Variants in ZNF451 observed in about 807,000 individuals in gnomAD.
The protein encoded by ZNF451 is E3 SUMO-protein ligase ZNF451.
ZNF451 carries 80 observed loss-of-function variants against 107.1 expected under a neutral mutation model. The observed-to-expected ratio is 0.75, with a 90% CI of 0.62 to 0.90. The LOEUF (loss-of-function observed/expected upper bound fraction) is 0.90, where lower values mean the gene tolerates loss of function less well. Among genes scored for constraint, ZNF451 ranks in the 40% least tolerant of loss-of-function variants. The pLI is 0.00. For synonymous variants in ZNF451, 362 were observed against 406.5 expected (o/e 0.89, Z 1.32); for missense variants, 1,107 against 1,236.2 (o/e 0.90, Z 1.57).
chr6:57,105,177 C>G, intron 3 of ZNF451: 1 of 985,342 alleles, frequency 1.0e-6, no homozygotes, highest in Non-Finnish European at 1.2e-6. Flanking sequence ...ACTAGGCCAA[C>G]CTCTAACGTT....
At chr6:57,149,782 A>G (rs891278222) in intron 10 of ZNF451, among the ~76,000 whole-genome samples, 55 of 152,286 alleles carry the variant, frequency 3.6e-4, no homozygotes, top group African/African-American at 9.4e-4. Flanking sequence ...ACAGTGAAAC[A>G]CTGGTTACAC....
Position 57,148,135 on chromosome 6 carries a change from A to T in ZNF451, c.2050A>T (p.Ser684Cys). ...LIFNVEEAFL[S>C]HYEEHHSIDY... The stretch of plus-strand genomic sequence containing the variant: ...CTTTAATGTGGAAGAAGCATTTCTG[A>T]GTCATTATGAGGAGCACCACAGCAT... Residue 684 changes from serine to cysteine, a missense_variant, in exon 10 of 15, where the codon AGT becomes TGT. Physicochemically the swap from Ser to Cys is moderately radical, Grantham distance 112. This residue lies in a region of ZNF451 where 608 missense variants were observed against 649.2 expected (regional missense o/e 0.94). Coordinates refer to ENST00000370706, the MANE Select transcript of ZNF451 (RefSeq NM_001031623.3). The T allele has an allele frequency of 1.2e-6, 2 of 1,614,054 alleles. No homozygotes were observed. Among genetic ancestry groups the T allele is most frequent in the South Asian group, 2.2e-5 (2 of 91,072 alleles).
intron 3 of ZNF451, chr6:57,105,531 T>C (rs1222105958): frequency 1.0e-6 from 1 of 985,328 alleles, no homozygotes; most frequent in Non-Finnish European, 1.2e-6. Context: ...TACTCCCTTC[T>C]GAATGTTAAT....
chr6:57,163,436 C>CTTTTTTTTTTTGTTTTTTTTTTTTT (rs1763757544), intron 14 of ZNF451, among the ~76,000 whole-genome samples: 1 of 30,332 alleles, frequency 3.3e-5, no homozygotes, highest in African/African-American at 1.2e-4. Flanking sequence ...AATGAATAAA[C>CTTTTTTTTTTTGTTTTTTTTTTTTT]TTTTTTTTTT....
chr6:57,119,050 T>G (rs920359925), intron 3 of ZNF451, among the ~76,000 whole-genome samples: 1 of 152,128 alleles, frequency 6.6e-6, no homozygotes, highest in Non-Finnish European at 1.5e-5. Context: ...AAATACCAAT[T>G]TGGCCTTTTT....
intron 10 of ZNF451, among the ~76,000 whole-genome samples, chr6:57,149,421 A>AG (rs754729348): frequency 5.9e-5 from 9 of 151,872 alleles, no homozygotes; most frequent in Non-Finnish European, 8.8e-5. Context: ...TATTTGTAAA[A>AG]TTTTTTTGAG....
Position 57,102,832 on chromosome 6 carries a change from A to G in ZNF451, c.186+3691A>G. 3.0e-6 allele frequency: 3 copies of G among 985,430 alleles called. No individual in the cohort carries two copies. In the South Asian group the frequency reaches 1.4e-4, roughly 46 times the overall value. 61.0% of individuals were successfully genotyped at this position (985,430 alleles called of 1,614,324 possible). Reference sequence around the variant, plus strand: ...TAGAAATTGCACAGTAACTATCTTCATCAAGACTTTGATGGCCACCATACC... The same window carrying G: ...TAGAAATTGCACAGTAACTATCTTCGTCAAGACTTTGATGGCCACCATACC... On this transcript the variant is annotated intron_variant, in intron 3 of 14. Coordinates refer to ENST00000370706, the MANE Select transcript of ZNF451 (RefSeq NM_001031623.3).
intron 3 of ZNF451, chr6:57,100,692 C>T: frequency 2.6e-6 from 4 of 1,550,486 alleles, no homozygotes; most frequent in Non-Finnish European, 3.5e-6. Context: ...TTGGAGATAG[C>T]AGCTCCTTCT....
At position 57,150,903 on chromosome 6, in the gene ZNF451, C is replaced by A. The variant is rs199756364; in HGVS notation, c.2752+41C>A. 5.6e-5 allele frequency: 90 copies of A among 1,610,578 alleles called. No homozygotes were observed. In the African/African-American group the frequency reaches 9.6e-4, roughly 17 times the overall value. ...AAAACAAAAGAAAACTTTTTCCCAC[C>A]TCTTAGAATATAGTTCAGTTTAAAA... On this transcript the variant is annotated intron_variant, in intron 11 of 14. Transcript: ENST00000370706.
chr6:57,134,393 G>A lies in ZNF451; in HGVS notation c.576-351G>A, dbSNP rs148457709. Among the ~76,000 whole-genome samples, 365 of 152,334 alleles carry A rather than the reference G, an allele frequency of 2.4e-3. 1 individual carries two copies. The highest frequency in any genetic ancestry group is 8.4e-3 in the African/African-American group (351 of 41,582). ...TTATTATTGCAGTGATGTATTTAAA[G>A]TTAGTTGTGAGTCTTATGGTAACCA... On this transcript the variant is annotated intron_variant, in intron 6 of 14. Transcript: ENST00000370706.
chr6:57,149,402 ATCT>A (rs1832241462), intron 10 of ZNF451, among the ~76,000 whole-genome samples: 1 of 152,068 alleles, frequency 6.6e-6, no homozygotes, highest in South Asian at 2.1e-4. Context: ...TTTTAAGTGT[ATCT>A]TCTTTTATTT....
chr6:57,166,771 C>T (rs189675456), intron 14 of ZNF451, among the ~76,000 whole-genome samples: 1 of 152,256 alleles, frequency 6.6e-6, no homozygotes, highest in East Asian at 1.9e-4. Context: ...TATTTGTTTA[C>T]AGCAGCATCA....
intron 7 of ZNF451, among the ~76,000 whole-genome samples, chr6:57,139,110 C>T (rs1831624586): frequency 6.6e-6 from 1 of 151,962 alleles, no homozygotes; most frequent in African/African-American, 2.4e-5. Context: ...CTTTATTGCT[C>T]TTATCATTTA....
intron 3 of ZNF451, chr6:57,106,504 C>T (rs1300693585): frequency 1.5e-6 from 1 of 656,738 alleles, no homozygotes; most frequent in African/African-American, 2.0e-5. Flanking sequence ...CGGGGTCTCT[C>T]CATGTTGGTC....
At chr6:57,138,741 A>ATATATATATATGTG (rs1365084616) in intron 7 of ZNF451, among the ~76,000 whole-genome samples, 1 of 46,588 alleles carries the variant, frequency 2.1e-5, no homozygotes, top group Non-Finnish European at 3.6e-5. Context: ...ATATATATAT[A>ATATATATATATGTG]TGTGTGTGTG....
rs887677219 is a variant in ZNF451 at position 57,169,016 on chromosome 6, T to A, written c.*547T>A. The A allele has an allele frequency of 6.6e-6, 1 of 152,274 alleles. No individual in the cohort carries two copies. The highest frequency in any genetic ancestry group is 1.5e-5 in the Non-Finnish European group (1 of 68,074). The allele number at this position is 152,274 out of a possible 1,614,324, so 9.4% of individuals were successfully genotyped here. On this transcript the variant is annotated 3_prime_UTR_variant, in exon 15 of 15. Coordinates refer to ENST00000370706, the MANE Select transcript of ZNF451 (RefSeq NM_001031623.3). ...GAAACATTTAAAATTTTATCAGCAA[T>A]GTTCTTTGTGGGTGCCATGCATATG...
At chr6:57,141,587 C>A in intron 8 of ZNF451, 132 bp downstream of exon 8, 4 of 856,268 alleles carry the variant, frequency 4.7e-6, no homozygotes, top group African/African-American at 1.7e-5. Context: ...AAGATTATCT[C>A]AATTCCTACT....
chr6:57,125,073 TTAAC>T (rs1830867928), intron 4 of ZNF451, among the ~76,000 whole-genome samples: 1 of 152,096 alleles, frequency 6.6e-6, no homozygotes, highest in South Asian at 2.1e-4. Context: ...AAAAATAAAA[TTAAC>T]TGAGTGGACT....
intron 10 of ZNF451, among the ~76,000 whole-genome samples, chr6:57,148,970 A>G (rs1425627929): frequency 1.3e-5 from 2 of 152,190 alleles, no homozygotes; most frequent in Non-Finnish European, 2.9e-5. Flanking sequence ...AAGGAAGTTG[A>G]TAGTTTTTCT....
Sources: gnomAD v4.1 joint callset for allele counts (sites outside exome capture counted in the v4.1 genomes callset) on GRCh38, gnomAD v4.1.1 for gene constraint, gnomAD v4.1.1 regional missense constraint, MANE v1.5 for transcripts, NCBI Gene and HGNC (gene_info 2026-07-23, HGNC 2026-07-21) for gene names.